EXOC6B: variants seen among roughly 807,000 people sequenced by gnomAD.
EXOC6B encodes the protein exocyst complex component 6B.
In EXOC6B, 54 loss-of-function variants were observed where a neutral mutation model predicts 113.5. The observed-to-expected ratio is 0.48, with a 90% CI of 0.38 to 0.60. The LOEUF is 0.60. Among genes scored for constraint, EXOC6B ranks in the 20% least tolerant of loss-of-function variants. EXOC6B has a pLI of 0.00. For missense variants in EXOC6B, 797 were observed against 977.5 expected (o/e 0.82, Z 2.46); for synonymous variants, 357 against 339.0 (o/e 1.05, Z -0.58).
chr2:72,679,831 G>A (rs1433837378), intron 6 of EXOC6B, among the ~76,000 whole-genome samples: 1 of 152,208 alleles, frequency 6.6e-6, no homozygotes, highest in Non-Finnish European at 1.5e-5. Context: ...ATTAGCAATG[G>A]TGACCAGTCA....
At chr2:72,797,546 GC>G (rs1249962370) in intron 1 of EXOC6B, among the ~76,000 whole-genome samples, 2 of 152,160 alleles carry the variant, frequency 1.3e-5, no homozygotes, top group Admixed American at 1.3e-4. Flanking sequence ...GGGTGCAATG[GC>G]TCACGCCTGT....
At chr2:72,318,048 G>A (rs1280686408) in intron 20 of EXOC6B, among the ~76,000 whole-genome samples, 1 of 152,054 alleles carries the variant, frequency 6.6e-6, no homozygotes, top group Non-Finnish European at 1.5e-5. Flanking sequence ...TCACTTTGCT[G>A]GCCAATAGAA....
At chr2:72,207,650 T>C (rs1679915925) in intron 20 of EXOC6B, among the ~76,000 whole-genome samples, 1 of 152,206 alleles carries the variant, frequency 6.6e-6, no homozygotes, top group South Asian at 2.1e-4. Context: ...CTTTCCAGAA[T>C]AGTGTAACGA....
At chr2:72,540,806 A>G (rs1702556121) in intron 8 of EXOC6B, among the ~76,000 whole-genome samples, 1 of 152,228 alleles carries the variant, frequency 6.6e-6, no homozygotes. Flanking sequence ...TTTGCACTGT[A>G]ACAGTAATAT....
chr2:72,456,678 T>C (rs1218130701), intron 18 of EXOC6B, among the ~76,000 whole-genome samples: 3 of 152,094 alleles, frequency 2.0e-5, no homozygotes, highest in Admixed American at 6.6e-5. Context: ...GTAATAATAA[T>C]ATTAATACTT....
At position 72,460,287 on chromosome 2, in the gene EXOC6B, A is replaced by G. The variant is rs547505577; in HGVS notation, c.1980+4873T>C. Among the ~76,000 whole-genome samples the G allele has an allele frequency of 8.0e-4, 122 of 152,132 alleles. 1 individual carries two copies. Among genetic ancestry groups the G allele is most frequent in the African/African-American group, 1.0e-3 (42 of 41,436 alleles). On this transcript the variant is annotated intron_variant, in intron 18 of 21. Transcript: ENST00000272427. ...AACCTAGGCAATACCATTCAAGGACACAGGCATGGGCAAGGACTTCATGTC... is the reference window on the plus strand; with the variant it reads ...AACCTAGGCAATACCATTCAAGGACGCAGGCATGGGCAAGGACTTCATGTC...
chr2:72,386,375 A>G (rs1487919587), intron 18 of EXOC6B, among the ~76,000 whole-genome samples: 1 of 152,242 alleles, frequency 6.6e-6, no homozygotes, highest in Non-Finnish European at 1.5e-5. Flanking sequence ...AGGAATCTGC[A>G]TAACTAAAAG....
At chr2:72,643,781 A>T (rs566753086) in intron 6 of EXOC6B, among the ~76,000 whole-genome samples, 15 of 150,278 alleles carry the variant, frequency 1.0e-4, no homozygotes, top group Non-Finnish European at 1.8e-4. Flanking sequence ...AAATAAATTT[A>T]AAAAAAAAGA....
At chr2:72,582,794 T>C (rs1368638487) in intron 6 of EXOC6B, among the ~76,000 whole-genome samples, 1 of 152,070 alleles carries the variant, frequency 6.6e-6, no homozygotes, top group African/African-American at 2.4e-5. Flanking sequence ...ATTTAAAATT[T>C]AGGGTTGGGG....
At chr2:72,331,885 A>G (rs1008537574) in intron 20 of EXOC6B, among the ~76,000 whole-genome samples, 2 of 152,256 alleles carry the variant, frequency 1.3e-5, no homozygotes, top group Non-Finnish European at 2.9e-5. Flanking sequence ...TAGTTTTGCT[A>G]TCCGCATCTA....
At chr2:72,387,575 A>G (rs1399434269) in intron 18 of EXOC6B, among the ~76,000 whole-genome samples, 4 of 152,084 alleles carry the variant, frequency 2.6e-5, no homozygotes. Flanking sequence ...TTATAAATGT[A>G]TAATTTGTGT....
intron 20 of EXOC6B, among the ~76,000 whole-genome samples, chr2:72,317,715 T>G (rs557367294): frequency 6.6e-6 from 1 of 152,274 alleles, no homozygotes; most frequent in East Asian, 1.9e-4. Flanking sequence ...TTACTATTGT[T>G]TGAGATCATT....
At chr2:72,506,098 C>T (rs1163413304) in intron 11 of EXOC6B, among the ~76,000 whole-genome samples, 1 of 151,784 alleles carries the variant, frequency 6.6e-6, no homozygotes, top group African/African-American at 2.4e-5. Flanking sequence ...TTTACAAGTT[C>T]TTATACTACC....
In EXOC6B at chr2:72,586,613, G is replaced by A. The variant is rs145069654; in HGVS notation, c.670-10945C>T. 1.5e-3 allele frequency among the ~76,000 whole-genome samples: 224 copies of A among 152,108 alleles called. 1 individual carries two copies. In the East Asian group the frequency reaches 0.034, roughly 23 times the overall value. Reference sequence around the variant, plus strand: ...AAAAAAATACAAAAATTTGCTGGGCGTGGTGGCACATGCCTGTAATCCCAG... The same window carrying A: ...AAAAAAATACAAAAATTTGCTGGGCATGGTGGCACATGCCTGTAATCCCAG... On this transcript the variant is annotated intron_variant, in intron 6 of 21. Coordinates refer to ENST00000272427, the MANE Select transcript of EXOC6B (RefSeq NM_015189.3).
intron 20 of EXOC6B, among the ~76,000 whole-genome samples, chr2:72,322,285 C>T (rs768245746): frequency 6.6e-6 from 1 of 152,038 alleles, no homozygotes; most frequent in Non-Finnish European, 1.5e-5. Flanking sequence ...GGATGAATCT[C>T]AAAATATTAT....
chr2:72,657,720 AAT>A (rs1674699745), intron 6 of EXOC6B, among the ~76,000 whole-genome samples: 1 of 151,232 alleles, frequency 6.6e-6, no homozygotes, highest in Non-Finnish European at 1.5e-5. Flanking sequence ...GATTTTGTGG[AAT>A]AGTCATTACA....
chr2:72,755,537 C>A (rs1682360052), intron 1 of EXOC6B, among the ~76,000 whole-genome samples: 1 of 151,894 alleles, frequency 6.6e-6, no homozygotes, highest in Non-Finnish European at 1.5e-5. Context: ...CACTAGAGTT[C>A]AATAATAAAT....
intron 1 of EXOC6B, among the ~76,000 whole-genome samples, chr2:72,785,744 C>G (rs1684340751): frequency 6.6e-6 from 1 of 152,220 alleles, no homozygotes; most frequent in Non-Finnish European, 1.5e-5. Flanking sequence ...GGCCTATGGG[C>G]CTGTGATGGG....
intron 6 of EXOC6B, among the ~76,000 whole-genome samples, chr2:72,657,256 C>T (rs1331332667): frequency 3.1e-5 from 4 of 127,058 alleles, no homozygotes; most frequent in Admixed American, 2.0e-4. Flanking sequence ...GATGGAGTCT[C>T]GCTCTGTTGG....
Sources: allele counts gnomAD v4.1 joint callset (sites outside exome capture counted in the v4.1 genomes callset), GRCh38; gene constraint gnomAD v4.1.1; transcripts MANE v1.5; gene names NCBI Gene and HGNC (gene_info 2026-07-23, HGNC 2026-07-21).